Variants in HTT-AS observed in about 807,000 individuals in gnomAD.
The protein encoded by HTT-AS is HTT antisense RNA (head to head).
At chr4:3,060,035 C>A (rs1036627825) in intron 2 of HTT-AS, among the ~76,000 whole-genome samples, 8 of 151,138 alleles carry the variant, frequency 5.3e-5, no homozygotes, top group African/African-American at 1.7e-4. Context: ...GATTCTCCTG[C>A]GTCGGTCTCC....
At chr4:3,073,986 G>C (rs1457306173) in intron 1 of HTT-AS, among the ~76,000 whole-genome samples, 1 of 151,254 alleles carries the variant, frequency 6.6e-6, no homozygotes, top group African/African-American at 2.5e-5. Flanking sequence ...ATGGGCCTGC[G>C]CCCGCGCTCG....
At chr4:3,063,117 T>G (rs1427702621) in exon 2 of HTT-AS, among the ~76,000 whole-genome samples, 1 of 152,118 alleles carries the variant, frequency 6.6e-6, no homozygotes, top group African/African-American at 2.4e-5. Context: ...TAAGGGTCAG[T>G]TGAAGTAAGT....
At chr4:3,062,564 C>T (rs1018183946) in exon 2 of HTT-AS, among the ~76,000 whole-genome samples, 7 of 152,046 alleles carry the variant, frequency 4.6e-5, no homozygotes, top group Admixed American at 6.6e-5. Flanking sequence ...GGTCTCCCTT[C>T]GGCTCATTCT....
At chr4:3,050,047 A>G (rs1209811687) in intron 2 of HTT-AS, among the ~76,000 whole-genome samples, 2 of 151,738 alleles carry the variant, frequency 1.3e-5, no homozygotes, top group Admixed American at 6.6e-5. Flanking sequence ...CCACACACCA[A>G]TGTATTTAAT....
intron 2 of HTT-AS, among the ~76,000 whole-genome samples, chr4:3,060,863 G>A (rs1264535055): frequency 1.3e-5 from 2 of 152,188 alleles, no homozygotes; most frequent in East Asian, 1.9e-4. Context: ...TTCTTTGCAT[G>A]CTATGTAAAC....
intron 1 of HTT-AS, among the ~76,000 whole-genome samples, chr4:3,070,708 C>G (rs983168253): frequency 5.3e-5 from 8 of 152,196 alleles, no homozygotes; most frequent in African/African-American, 1.7e-4. Context: ...AAGTGCTCAT[C>G]TGGAACAGGA....
chr4:3,067,007 A>C (rs1382094929), intron 1 of HTT-AS, among the ~76,000 whole-genome samples: 1 of 152,240 alleles, frequency 6.6e-6, no homozygotes, highest in East Asian at 1.9e-4. Context: ...CAAAACTTGA[A>C]AGTGTTGGCA....
At chr4:3,063,949 G>C (rs1053902590) in intron 1 of HTT-AS, among the ~76,000 whole-genome samples, 5 of 152,096 alleles carry the variant, frequency 3.3e-5, no homozygotes, top group African/African-American at 1.2e-4. Flanking sequence ...CTAAAATCCT[G>C]AGAACTTCCT....
At chr4:3,050,191 C>T (rs1711678107) in intron 2 of HTT-AS, among the ~76,000 whole-genome samples, 1 of 152,214 alleles carries the variant, frequency 6.6e-6, no homozygotes, top group Non-Finnish European at 1.5e-5. Context: ...CATTAGACTT[C>T]AGTCCTCTTG....
intron 1 of HTT-AS, among the ~76,000 whole-genome samples, chr4:3,068,002 C>G (rs1196162587): frequency 6.6e-6 from 1 of 152,068 alleles, no homozygotes; most frequent in African/African-American, 2.4e-5. Flanking sequence ...GTCTCAACAG[C>G]AAGAATGAAA....
intron 1 of HTT-AS, among the ~76,000 whole-genome samples, chr4:3,073,783 C>G (rs1384796088): frequency 1.3e-5 from 2 of 152,002 alleles, no homozygotes; most frequent in African/African-American, 4.8e-5. Flanking sequence ...ATTCTCTGCG[C>G]TCTGCGCAGG....
chr4:3,072,066 C>T (rs116010556), intron 1 of HTT-AS, among the ~76,000 whole-genome samples: 4,117 of 152,320 alleles, frequency 0.027, 149 homozygotes, highest in African/African-American at 0.09. Flanking sequence ...TATGTAGTTA[C>T]GTGTAGAGCC....
intron 1 of HTT-AS, among the ~76,000 whole-genome samples, chr4:3,068,475 C>T (rs984267505): frequency 1.3e-5 from 2 of 152,032 alleles, no homozygotes; most frequent in African/African-American, 4.8e-5. Flanking sequence ...GACCCACTGT[C>T]CAAGGAATTC....
exon 1 of HTT-AS, chr4:3,074,476 T>C: frequency 4.4e-6 from 1 of 227,702 alleles, no homozygotes. Context: ...GCCCCGCGCC[T>C]TCGCCCGGGT....
chr4:3,069,382 C>T (rs1304524131), intron 1 of HTT-AS, among the ~76,000 whole-genome samples: 1 of 151,746 alleles, frequency 6.6e-6, no homozygotes, highest in Non-Finnish European at 1.5e-5. Context: ...TCTTGAACTC[C>T]TGACCTCAGG....
chr4:3,052,603 T>A (rs1459014879), intron 2 of HTT-AS, among the ~76,000 whole-genome samples: 2 of 152,190 alleles, frequency 1.3e-5, no homozygotes, highest in Non-Finnish European at 2.9e-5. Flanking sequence ...TGGTGTGTAA[T>A]AACTAGGCAG....
chr4:3,048,232 T>G (rs1156770332), downstream of HTT-AS, among the ~76,000 whole-genome samples: 1 of 151,836 alleles, frequency 6.6e-6, no homozygotes, highest in Admixed American at 6.6e-5. Context: ...CAGGCGAGAG[T>G]GTGACCAAAA....
chr4:3,055,296 T>TA lies in HTT-AS; in HGVS notation n.1381-5599dup, dbSNP rs796510571. ...CTGGGCAACACAGCGAGACTCCGTC[T>TA]AAAAAAAAAAAAAGTCTCAAACTAG... On this transcript the variant is annotated intron_variant and non_coding_transcript_variant, in intron 2 of 2. Coordinates refer to ENST00000664062, the Ensembl canonical transcript of HTT-AS. Among the ~76,000 whole-genome samples the TA allele has an allele frequency of 6.8e-4, 96 of 141,518 alleles. 3 individuals are homozygous for TA. In the East Asian group the frequency reaches 9.3e-3, roughly 14 times the overall value. 92.8% of individuals were successfully genotyped at this position (141,518 alleles called of 152,430 possible). A position where few individuals can be genotyped will look rare whatever the true frequency, so the allele number is the denominator to read the frequency against.
At chr4:3,059,971 G>T (rs186264249) in intron 2 of HTT-AS, among the ~76,000 whole-genome samples, 2 of 143,224 alleles carry the variant, frequency 1.4e-5, no homozygotes, top group African/African-American at 2.6e-5. Context: ...ACCCAGGCTG[G>T]AGTTCAGTGG....
Sources: allele counts gnomAD v4.1 joint callset (sites outside exome capture counted in the v4.1 genomes callset), GRCh38; gene constraint gnomAD v4.1.1; transcripts MANE v1.5; gene names NCBI Gene and HGNC (gene_info 2026-07-23, HGNC 2026-07-21).